GPATCH8: variants seen among roughly 807,000 people sequenced by gnomAD.
GPATCH8 encodes G-patch domain containing 8, also known as G patch domain-containing protein 8.
A neutral mutation model predicts 118.3 loss-of-function variants in GPATCH8; 18 were observed. The ratio of observed to expected loss-of-function variants is 0.15; its 90% CI spans 0.11 to 0.23. The LOEUF is 0.23. GPATCH8 is among the 10% of genes least tolerant of loss of function. The pLI, the probability that GPATCH8 is intolerant of heterozygous loss-of-function variation, is 1.00. For synonymous variants in GPATCH8, 659 were observed against 684.7 expected (o/e 0.96, Z 0.59); for missense variants, 1,631 against 1,873.8 (o/e 0.87, Z 2.39).
At chr17:44,468,805 A>G (rs1437136914) in intron 2 of GPATCH8, among the ~76,000 whole-genome samples, 1 of 152,122 alleles carries the variant, frequency 6.6e-6, no homozygotes, top group Non-Finnish European at 1.5e-5. Context: ...TCTAAAGTCA[A>G]CTTGATATAA....
At chr17:44,444,510 C>G (rs1041092988) in intron 3 of GPATCH8, among the ~76,000 whole-genome samples, 1 of 151,608 alleles carries the variant, frequency 6.6e-6, no homozygotes, top group African/African-American at 2.4e-5. Context: ...TGGTGGCTCA[C>G]GGCTGTAATC....
chr17:44,483,133 C>A (rs1425023630), intron 1 of GPATCH8, among the ~76,000 whole-genome samples: 3 of 79,010 alleles, frequency 3.8e-5, no homozygotes, highest in Non-Finnish European at 6.7e-5. Flanking sequence ...TCTGCCTGGG[C>A]GAAAGAGTGA....
At chr17:44,446,487 C>T (rs1199746601) in intron 3 of GPATCH8, among the ~76,000 whole-genome samples, 1 of 152,082 alleles carries the variant, frequency 6.6e-6, no homozygotes, top group Non-Finnish European at 1.5e-5. Flanking sequence ...ATGGTGTGAA[C>T]CCGGGAGGTG....
At position 44,398,075 on chromosome 17, in the gene GPATCH8, C is replaced by G. The variant is rs375352380; in HGVS notation, c.4002G>C (p.Gln1334His). Residue 1334 changes from glutamine to histidine, a missense_variant, in exon 8 of 8, where the codon CAG becomes CAC. This residue lies in a region of GPATCH8 where 111 missense variants were observed against 112.4 expected (regional missense o/e 0.99). Coordinates refer to ENST00000591680, the MANE Select transcript of GPATCH8 (RefSeq NM_001002909.4). ...QQAAQQHIQQ[Q>H]LLAKQVKAFP... The stretch of plus-strand genomic sequence containing the variant: ...AGGCCTTTACTTGCTTGGCCAGAAG[C>G]TGCTGCTGGATGTGTTGCTGAGCAG... 4.3e-6 allele frequency: 7 copies of G among 1,614,070 alleles called. No individual in the cohort carries two copies. The highest frequency in any genetic ancestry group is 5.9e-6 in the Non-Finnish European group (7 of 1,179,972).
intron 2 of GPATCH8, 161 bp downstream of exon 2, chr17:44,474,668 T>C: frequency 1.4e-6 from 1 of 697,138 alleles, no homozygotes; most frequent in South Asian, 1.5e-5. Context: ...AAATATTAGA[T>C]TACATCCCAA....
intron 3 of GPATCH8, among the ~76,000 whole-genome samples, chr17:44,439,594 T>C (rs1276714411): frequency 6.6e-6 from 1 of 151,912 alleles, no homozygotes; most frequent in Non-Finnish European, 1.5e-5. Context: ...AAACACTACA[T>C]ACAGGAAGAG....
intron 5 of GPATCH8, among the ~76,000 whole-genome samples, chr17:44,430,729 G>A (rs978000130): frequency 1.3e-4 from 19 of 151,354 alleles, no homozygotes; most frequent in Non-Finnish European, 2.8e-4. Context: ...TGCAACCTCC[G>A]CCTCCTGGGT....
chr17:44,502,245 T>A (rs908071582), intron 1 of GPATCH8, among the ~76,000 whole-genome samples: 9 of 152,154 alleles, frequency 5.9e-5, no homozygotes, highest in African/African-American at 2.2e-4. Context: ...CTGAAACACA[T>A]CTAGAGTGCT....
chr17:44,475,838 C>A (rs1030077561), intron 1 of GPATCH8, among the ~76,000 whole-genome samples: 3 of 152,038 alleles, frequency 2.0e-5, no homozygotes, highest in Non-Finnish European at 4.4e-5. Flanking sequence ...CCAGCCTGGG[C>A]AATACAGTGA....
chr17:44,403,448 G>A (rs768970443), intron 7 of GPATCH8, among the ~76,000 whole-genome samples: 7 of 151,990 alleles, frequency 4.6e-5, no homozygotes, highest in Admixed American at 1.3e-4. Flanking sequence ...TGAACACCTG[G>A]CCTCAAGTGA....
At chr17:44,421,333 C>T (rs2143867059) in intron 6 of GPATCH8, among the ~76,000 whole-genome samples, 1 of 150,050 alleles carries the variant, frequency 6.7e-6, no homozygotes, top group East Asian at 2.1e-4. Context: ...AAGAGTGAAA[C>T]TCCATCTCAA....
rs751689001 is a variant in GPATCH8 at position 44,400,056 on chromosome 17, C to T, written c.2021G>A (p.Arg674Gln). The change falls in exon 8 of 8, where the codon CGG (arginine) becomes CAG (glutamine). Residue 674 changes from arginine to glutamine, a missense_variant. Arg to Gln is a conservative substitution (Grantham distance 43). Transcript: ENST00000591680. ...TTTGTGCTTCTTTTTCTTTTTGTGC[C>T]GGTGGGACTTCCCAGATCGTTCTTT... ...SKKERSGKSHRHKKKKKHKKS... is the reference protein window; with the variant it reads ...SKKERSGKSHQHKKKKKHKKS... The T allele has an allele frequency of 4.3e-5, 69 of 1,613,676 alleles. No homozygotes were observed. The highest frequency in any genetic ancestry group is 5.7e-5 in the Non-Finnish European group (67 of 1,179,986).
At chr17:44,470,539 C>T (rs1386195556) in intron 2 of GPATCH8, among the ~76,000 whole-genome samples, 1 of 149,924 alleles carries the variant, frequency 6.7e-6, no homozygotes, top group Non-Finnish European at 1.5e-5. Flanking sequence ...CTCTGTCACC[C>T]AGGCTGGAGT....
At chr17:44,441,245 T>C (rs1334839867) in intron 3 of GPATCH8, among the ~76,000 whole-genome samples, 1 of 152,204 alleles carries the variant, frequency 6.6e-6, no homozygotes, top group East Asian at 1.9e-4. Context: ...AGCCATACTT[T>C]AGAAACAGAA....
At chr17:44,502,405 A>T (rs1179975478) in intron 1 of GPATCH8, among the ~76,000 whole-genome samples, 3 of 151,846 alleles carry the variant, frequency 2.0e-5, no homozygotes, top group African/African-American at 7.3e-5. Context: ...TTACCTAGAA[A>T]TAGCCAATCT....
At chr17:44,441,522 G>C (rs547486236) in intron 3 of GPATCH8, among the ~76,000 whole-genome samples, 7 of 143,480 alleles carry the variant, frequency 4.9e-5, no homozygotes, top group African/African-American at 1.8e-4. Flanking sequence ...TCAGGAGTTC[G>C]AGACCAGCCT....
rs1567929798 is a variant in GPATCH8 at position 44,399,672 on chromosome 17, T to C, written c.2405A>G (p.Lys802Arg). 9 of 1,614,136 alleles carry C rather than the reference T, an allele frequency of 5.6e-6. No homozygotes were observed. Among genetic ancestry groups the C allele is most frequent in the South Asian group, 1.1e-5 (1 of 91,086 alleles). Reference sequence around the variant, plus strand: ...CCGATGGCTAGACCGGCTGCTCCGTTTGGTGCCTGCTCTTCGCTGGCAGGA... The same window carrying C: ...CCGATGGCTAGACCGGCTGCTCCGTCTGGTGCCTGCTCTTCGCTGGCAGGA... ...PSSCQRRAGT[K>R]RSSRSSHRSQ... Residue 802 changes from lysine (K) to arginine (R), a missense_variant, in exon 8 of 8, where the codon AAA becomes AGA. By Grantham distance (26) the Lys-to-Arg change is conservative. Transcript: ENST00000591680.
chr17:44,399,540 C>T lies in GPATCH8; in HGVS notation c.2537G>A (p.Gly846Asp). ...YSEEEEEEDS[G>D]SEHSRSRSRS... The stretch of plus-strand genomic sequence containing the variant: ...TGAGCGGCTGCGGGAATGCTCACTG[C>T]CTGAATCTTCCTCTTCTTCTTCCTC... The change falls in exon 8 of 8, where the codon GGC (glycine) becomes GAC (aspartate). Residue 846 changes from glycine (G) to aspartate (D), a missense_variant. Gly to Asp is a moderately conservative substitution (Grantham distance 94). Coordinates refer to ENST00000591680, the MANE Select transcript of GPATCH8 (RefSeq NM_001002909.4). 3 of 1,614,178 alleles carry T rather than the reference C, an allele frequency of 1.9e-6. No individual in the cohort carries two copies. Among genetic ancestry groups the T allele is most frequent in the Non-Finnish European group, 2.5e-6 (3 of 1,180,034 alleles).
At chr17:44,471,512 G>A (rs1409935931) in intron 2 of GPATCH8, among the ~76,000 whole-genome samples, 1 of 152,102 alleles carries the variant, frequency 6.6e-6, no homozygotes, top group Non-Finnish European at 1.5e-5. Flanking sequence ...AAAAAAAAAT[G>A]ACTAGACCTT....
Sources: allele counts gnomAD v4.1 joint callset (sites outside exome capture counted in the v4.1 genomes callset), GRCh38; gene constraint gnomAD v4.1.1; regional missense constraint gnomAD v4.1.1; transcripts MANE v1.5; gene names NCBI Gene and HGNC (gene_info 2026-07-23, HGNC 2026-07-21).